Variants in SGSH observed in about 807,000 individuals in gnomAD.
SGSH encodes N-sulfoglucosamine sulfohydrolase.
Under a neutral mutation model 51.0 loss-of-function variants are expected in SGSH, and 48 were observed. The ratio of observed to expected loss-of-function variants is 0.94; its 90% CI spans 0.75 to 1.20. SGSH has a LOEUF of 1.20. Ranked by LOEUF, SGSH falls within the 50% of genes most tolerant of loss-of-function variation. The pLI is 0.00. For missense variants in SGSH, 662 were observed against 717.8 expected (o/e 0.92, Z 0.89); for synonymous variants, 321 against 313.4 (o/e 1.02, Z -0.26).
At chr17:80,215,712 G>A (rs936319152) in intron 2 of SGSH, among the ~76,000 whole-genome samples, 3 of 152,094 alleles carry the variant, frequency 2.0e-5, no homozygotes, top group Non-Finnish European at 4.4e-5. Flanking sequence ...CCAGCTACTC[G>A]GGAGGCCGAG....
At chr17:80,218,637 A>C (rs1381207298) in intron 1 of SGSH, among the ~76,000 whole-genome samples, 1 of 152,172 alleles carries the variant, frequency 6.6e-6, no homozygotes, top group Non-Finnish European at 1.5e-5. Flanking sequence ...GGAGAGCGGG[A>C]TGGGCTGTGC....
chr17:80,201,924 C>A, downstream of SGSH: 1 of 1,551,496 alleles, frequency 6.4e-7, no homozygotes, highest in South Asian at 1.2e-5. This position sits in a 1 kb window ranked among gnomAD's most constrained non-coding sequence, Gnocchi z 5.0. Flanking sequence ...CTCCATGACC[C>A]TTAAGTCCCT....
chr17:80,201,966 A>AC (rs2041000991), downstream of SGSH: 3 of 1,460,838 alleles, frequency 2.1e-6, no homozygotes, highest in South Asian at 2.7e-5. The surrounding 1 kb of genome is among the most constrained non-coding windows in gnomAD (Gnocchi z 5.0). Context: ...GCAGCCAGGG[A>AC]CCCCCAGAGC....
At chr17:80,202,754 G>C (rs1464088177), downstream of SGSH, 1 of 414,334 alleles carries the variant, frequency 2.4e-6, no homozygotes, top group Non-Finnish European at 3.8e-6. Flanking sequence ...CAGCATCCCT[G>C]GCCGCCCTAC....
At chr17:80,215,748 G>C (rs1046628812) in intron 2 of SGSH, among the ~76,000 whole-genome samples, 4 of 151,430 alleles carry the variant, frequency 2.6e-5, no homozygotes, top group Non-Finnish European at 5.9e-5. Context: ...GAATCTGGGA[G>C]GTGGAGGTTG....
rs7223037 is a variant in SGSH, at chr17:80,212,800, T to C, written c.746-526A>G. 1 of 195,738 alleles carries C rather than the reference T, an allele frequency of 5.1e-6. No individual in the cohort carries two copies. Among genetic ancestry groups the C allele is most frequent in the Non-Finnish European group, 1.1e-5 (1 of 93,432 alleles). The allele number at this position is 195,738 out of a possible 1,614,324, so 12.1% of individuals were successfully genotyped here. A position where few individuals can be genotyped will look rare whatever the true frequency, so the allele number is the denominator to read the frequency against. On this transcript the variant is annotated intron_variant, in intron 6 of 7. Coordinates refer to ENST00000326317, the MANE Select transcript of SGSH (RefSeq NM_000199.5). This position sits in a 1 kb window ranked among gnomAD's most constrained non-coding sequence, Gnocchi z 5.9. Reference sequence around the variant, plus strand: ...ATGTGTGCTGGAATCTGTGAAGGGGTTCTTGTTTGGAAAGGGGAACTTCAC... The same window carrying C: ...ATGTGTGCTGGAATCTGTGAAGGGGCTCTTGTTTGGAAAGGGGAACTTCAC...
chr17:80,211,242 A>C (rs1167861123), intron 7 of SGSH: 2 of 1,315,506 alleles, frequency 1.5e-6, no homozygotes, highest in African/African-American at 3.0e-5. Context: ...TCCTTCTAAA[A>C]TCCCATGGAC....
chr17:80,205,258 C>T (rs2041229991), downstream of SGSH: 1 of 1,435,510 alleles, frequency 7.0e-7, no homozygotes, highest in Admixed American at 1.8e-5. Flanking sequence ...CTCCCTCCCT[C>T]CTCCCCTTCC....
At chr17:80,206,951 T>C (rs1292977579), downstream of SGSH, 1 of 1,587,722 alleles carries the variant, frequency 6.3e-7, no homozygotes, top group East Asian at 2.3e-5. Flanking sequence ...GACTCACTTC[T>C]TCTCTCCCTC....
At chr17:80,218,147 T>C (rs2041960567) in intron 1 of SGSH, among the ~76,000 whole-genome samples, 1 of 152,226 alleles carries the variant, frequency 6.6e-6, no homozygotes, top group Non-Finnish European at 1.5e-5. Flanking sequence ...ACAGAACTGC[T>C]GGGCAATTCT....
chr17:80,206,309 A>T (rs1031073686), downstream of SGSH, among the ~76,000 whole-genome samples: 13 of 50,544 alleles, frequency 2.6e-4, no homozygotes, highest in Admixed American at 1.9e-3. Context: ...AAAAAAAATT[A>T]AAAAATAAAA....
rs1024744421 is a variant in SGSH at position 80,215,327 on chromosome 17, C to T, written c.250-189G>A. Among the ~76,000 whole-genome samples the T allele has an allele frequency of 2.6e-5, 4 of 152,212 alleles. No individual in the cohort carries two copies. In the East Asian group the frequency reaches 5.8e-4, roughly 22 times the overall value. On this transcript the variant is annotated intron_variant, in intron 2 of 7. Coordinates refer to ENST00000326317, the MANE Select transcript of SGSH (RefSeq NM_000199.5). ...GCCCGATAGGCCCATGGGTCCCTCCCGTGAAAGGAGGACTTCGCCAGAAAG... is the reference window on the plus strand; with the variant it reads ...GCCCGATAGGCCCATGGGTCCCTCCTGTGAAAGGAGGACTTCGCCAGAAAG...
chr17:80,207,879 T>TA (rs971381936), downstream of SGSH, among the ~76,000 whole-genome samples: 2 of 148,574 alleles, frequency 1.3e-5, no homozygotes, highest in African/African-American at 5.0e-5. Flanking sequence ...AAAAAAAAAG[T>TA]AAAAAAATTA....
downstream of SGSH, chr17:80,202,188 A>T: frequency 6.2e-7 from 1 of 1,613,524 alleles, no homozygotes; most frequent in Non-Finnish European, 8.5e-7. Flanking sequence ...AGGTTATAAG[A>T]GGCTACTCCA....
rs752686885 is a variant in SGSH, at chr17:80,210,649, G to T, written c.1312C>A (p.Leu438Ile). The change falls in exon 8 of 8, where the codon CTC (leucine) becomes ATC (isoleucine). Residue 438 changes from leucine (L) to isoleucine (I), a missense_variant. Physicochemically the swap from Leu to Ile is conservative, Grantham distance 5. Transcript: ENST00000326317. Reference sequence around the variant, plus strand: ...TGGGGGTCCCGGCTCCGGTCGTAGAGCTCCCAGCGCGCCCGGTAGTAGTAA... The same window carrying T: ...TGGGGGTCCCGGCTCCGGTCGTAGATCTCCCAGCGCGCCCGGTAGTAGTAA... ...RHYYYRARWELYDRSRDPHET... is the reference protein window; with the variant it reads ...RHYYYRARWEIYDRSRDPHET... 1.2e-6 allele frequency: 2 copies of T among 1,613,914 alleles called. No homozygotes were observed. Among genetic ancestry groups the T allele is most frequent in the Non-Finnish European group, 8.5e-7 (1 of 1,180,052 alleles).
At chr17:80,202,166 TC>T, downstream of SGSH, 7 of 1,601,498 alleles carry the variant, frequency 4.4e-6, no homozygotes, top group African/African-American at 1.3e-5. Flanking sequence ...GTGGCTCATG[TC>T]CCCTTTTATC....
chr17:80,204,610 G>A (rs2041175616), downstream of SGSH: 1 of 370,432 alleles, frequency 2.7e-6, no homozygotes, highest in East Asian at 4.5e-5. Flanking sequence ...GGCAATAAGA[G>A]CAAAACTCTG....
At chr17:80,205,161 G>A (rs749950936), downstream of SGSH, 3 of 1,613,706 alleles carry the variant, frequency 1.9e-6, no homozygotes, top group East Asian at 4.5e-5. Flanking sequence ...AAGATCCTGA[G>A]CGAGAAACTG....
chr17:80,203,551 C>T, downstream of SGSH: 1 of 426,856 alleles, frequency 2.3e-6, no homozygotes, highest in African/African-American at 2.0e-5. This position sits in a 1 kb window ranked among gnomAD's most constrained non-coding sequence, Gnocchi z 4.6. Flanking sequence ...ACGCTGGCTG[C>T]TCAACAGCAC....
Sources: allele counts gnomAD v4.1 joint callset (sites outside exome capture counted in the v4.1 genomes callset), GRCh38; gene constraint gnomAD v4.1.1; non-coding constraint Gnocchi (gnomAD v3.1); transcripts MANE v1.5; gene names NCBI Gene and HGNC (gene_info 2026-07-23, HGNC 2026-07-21).